The following EMP1 variants were observed in gnomAD, a reference collection of about 807,000 sequenced individuals.
The protein encoded by EMP1 is tumor-associated membrane protein.
A neutral mutation model predicts 15.7 loss-of-function variants in EMP1; 5 were observed. That is an observed-to-expected ratio of 0.32 (90% confidence interval 0.17 to 0.67). The LOEUF is 0.67. EMP1 is among the 30% of genes least tolerant of loss of function. The pLI is 0.74. For synonymous variants in EMP1, 78 were observed against 76.7 expected, an observed-to-expected ratio of 1.02 and a Z score of -0.09; for missense variants, 166 against 194.2, an observed-to-expected ratio of 0.85 and a Z score of 0.86.
intron 2 of EMP1, 39 bp from the exon 3 acceptor site, chr12:13,213,440 C>G: frequency 6.4e-7 from 1 of 1,571,012 alleles, no homozygotes. Context: ...AATCAGAGGG[C>G]CAGCTTTCAA....
chr12:13,212,342 A>C (rs1864172598), intron 2 of EMP1, among the ~76,000 whole-genome samples: 1 of 152,198 alleles, frequency 6.6e-6, no homozygotes, highest in Admixed American at 6.5e-5. Context: ...CTTGGACCTA[A>C]AAACCAAGGC....
At chr12:13,205,294 T>C (rs536207061) in intron 1 of EMP1, among the ~76,000 whole-genome samples, 1 of 152,244 alleles carries the variant, frequency 6.6e-6, no homozygotes, top group South Asian at 2.1e-4. Context: ...CATTCACTTA[T>C]TTCCTCTTGA....
At chr12:13,201,409 A>G (rs951452908) in intron 1 of EMP1, among the ~76,000 whole-genome samples, 2 of 152,090 alleles carry the variant, frequency 1.3e-5, no homozygotes, top group Non-Finnish European at 2.9e-5. Context: ...CCCTGTCTCA[A>G]AAAAAACAAA....
rs1407243905 is a variant in EMP1, at chr12:13,214,554, G to T, written c.337G>T (p.Val113Leu). Residue 113 changes from valine (V) to leucine (L), a missense_variant, in exon 5 of 5, where the codon GTG becomes TTG. Coordinates refer to ENST00000256951, the MANE Select transcript of EMP1 (RefSeq NM_001423.3). ...TGCAGGGCTGTGCATTCTTGTGGGG[G>T]TGTCCATCTACACTAGTCATTATGC... ...LVCWLCILVG[V>L]SIYTSHYANR... is the part of the protein sequence containing the mutation. 3 of 1,612,822 alleles carry T rather than the reference G, an allele frequency of 1.9e-6. No individual in the cohort carries two copies. Among genetic ancestry groups the T allele is most frequent in the Non-Finnish European group, 2.5e-6 (3 of 1,179,604 alleles).
At chr12:13,209,187 A>G (rs988906931) in intron 1 of EMP1, 3 of 152,262 alleles carry the variant, frequency 2.0e-5, no homozygotes, top group Non-Finnish European at 4.4e-5. Context: ...AGGATTAAAC[A>G]TAAGTATTCG....
At chr12:13,197,602 C>G (rs750792139) in intron 1 of EMP1, among the ~76,000 whole-genome samples, 7 of 151,894 alleles carry the variant, frequency 4.6e-5, no homozygotes, top group Non-Finnish European at 8.8e-5. Context: ...ATGGTGAAAC[C>G]CTGTCTCTAC....
chr12:13,197,421 GTTTAAA>G (rs1267758381), intron 1 of EMP1, among the ~76,000 whole-genome samples: 1 of 152,126 alleles, frequency 6.6e-6, no homozygotes, highest in Non-Finnish European at 1.5e-5. Flanking sequence ...ATTCACTTCT[GTTTAAA>G]TTTAAGTATT....
intron 2 of EMP1, among the ~76,000 whole-genome samples, chr12:13,212,495 A>G (rs1232255661): frequency 6.6e-6 from 1 of 152,242 alleles, no homozygotes; most frequent in African/African-American, 2.4e-5. Context: ...CTAATTAAGA[A>G]TAACTGTGAT....
In EMP1 at chr12:13,214,774, G is replaced by C; in HGVS notation, c.*83G>C. 1 of 333,032 alleles carries C rather than the reference G, an allele frequency of 3.0e-6. No individual in the cohort carries two copies. The highest frequency in any genetic ancestry group is 4.3e-6 in the Non-Finnish European group (1 of 235,164). 20.6% of individuals were successfully genotyped at this position (333,032 alleles called of 1,614,324 possible). On this transcript the variant is annotated 3_prime_UTR_variant, in exon 5 of 5. Transcript: ENST00000256951. ...GAGGGAAGTGGAGGTTGCTGTACAG[G>C]AAAAACCGAGATAGGGGAGGGGGGA...
chr12:13,213,655 T>G (rs200946352), intron 3 of EMP1, 26 bp from the exon 4 acceptor site: 13 of 1,613,936 alleles, frequency 8.1e-6, no homozygotes, highest in Non-Finnish European at 1.1e-5. Context: ...CCTCATGCCC[T>G]TGTTCTCCTC....
intron 1 of EMP1, among the ~76,000 whole-genome samples, chr12:13,209,996 G>A (rs1310772585): frequency 1.3e-5 from 2 of 152,158 alleles, no homozygotes; most frequent in East Asian, 1.9e-4. Flanking sequence ...TGTTGGAGAC[G>A]GTCAGGGAGA....
rs4763946 is a variant in EMP1 at position 13,211,263 on chromosome 12, A to G, written c.-42-206A>G. On this transcript the variant is annotated intron_variant, in intron 1 of 4. Coordinates refer to ENST00000256951, the MANE Select transcript of EMP1 (RefSeq NM_001423.3). This position sits in a 1 kb window ranked among gnomAD's most constrained non-coding sequence, Gnocchi z 4.7. ...CAAGAAGAAACCAAATTCTGTTTCCATGTAGGTATGTATAACTGGATGAAT... is the reference window on the plus strand; with the variant it reads ...CAAGAAGAAACCAAATTCTGTTTCCGTGTAGGTATGTATAACTGGATGAAT... Among the ~76,000 whole-genome samples, 60,402 of 152,082 alleles carry G rather than the reference A, an allele frequency of 0.4. 13,119 individuals are homozygous for G. Among genetic ancestry groups the G allele is most frequent in the East Asian group, 0.61 (3,161 of 5,172 alleles).
At chr12:13,207,983 C>T (rs978116579) in intron 1 of EMP1, among the ~76,000 whole-genome samples, 1 of 152,202 alleles carries the variant, frequency 6.6e-6, no homozygotes, top group Admixed American at 6.5e-5. Flanking sequence ...TTCAGAATTG[C>T]AATGCTGTGA....
intron 1 of EMP1, among the ~76,000 whole-genome samples, chr12:13,202,409 A>G (rs1464029089): frequency 1.3e-5 from 2 of 152,174 alleles, no homozygotes; most frequent in African/African-American, 2.4e-5. Context: ...CTTGATCCTT[A>G]GACTTCTCAT....
rs1300568718 is a variant in EMP1, at chr12:13,215,035, G to A, written c.*344G>A. On this transcript the variant is annotated 3_prime_UTR_variant, in exon 5 of 5. Transcript: ENST00000256951. The stretch of plus-strand genomic sequence containing the variant: ...GCCCCACTTCTGGGTCATGCACTGA[G>A]GTCCACAGACCTACTGCACTGAGTT... The A allele has an allele frequency of 1.7e-5, 5 of 286,390 alleles. No individual in the cohort carries two copies. Among genetic ancestry groups the A allele is most frequent in the Non-Finnish European group, 3.4e-5 (5 of 146,078 alleles). 17.7% of individuals were successfully genotyped at this position (286,390 alleles called of 1,614,324 possible). A position where few individuals can be genotyped will look rare whatever the true frequency, so the allele number is the denominator to read the frequency against.
chr12:13,199,943 TTTCTTCTTC>T (rs760303373), intron 1 of EMP1, among the ~76,000 whole-genome samples: 1 of 149,428 alleles, frequency 6.7e-6, no homozygotes, highest in Non-Finnish European at 1.5e-5. Context: ...TGCATTATCT[TTTCTTCTTC>T]TTCTTCTTCT....
chr12:13,206,982 A>G (rs1470426624), intron 1 of EMP1, among the ~76,000 whole-genome samples: 1 of 151,916 alleles, frequency 6.6e-6, no homozygotes, highest in African/African-American at 2.4e-5. Flanking sequence ...GAGGGAGGCA[A>G]GAAGCCAATA....
At chr12:13,198,229 C>A (rs1035477730) in intron 1 of EMP1, among the ~76,000 whole-genome samples, 4 of 152,216 alleles carry the variant, frequency 2.6e-5, no homozygotes, top group African/African-American at 9.7e-5. Flanking sequence ...ATCATGAAAT[C>A]TGGAGGAATG....
At position 13,215,256 on chromosome 12, in the gene EMP1, A is replaced by G. The variant is rs78423139; in HGVS notation, c.*565A>G. On this transcript the variant is annotated 3_prime_UTR_variant, in exon 5 of 5. Transcript: ENST00000256951. ...TTAGCTCTGTGGAATTCAGTGACAA[A>G]ATGGGAGGAGGAAAGAGAGTTTGTA... 330 of 152,964 alleles carry G rather than the reference A, an allele frequency of 2.2e-3. 3 individuals are homozygous for G. Among genetic ancestry groups the G allele is most frequent in the African/African-American group, 7.5e-3 (313 of 41,568 alleles). The allele number at this position is 152,964 out of a possible 1,614,324, so 9.5% of individuals were successfully genotyped here.
Sources: allele counts gnomAD v4.1 joint callset (sites outside exome capture counted in the v4.1 genomes callset), GRCh38; gene constraint gnomAD v4.1.1; non-coding constraint Gnocchi (gnomAD v3.1); transcripts MANE v1.5; gene names NCBI Gene and HGNC (gene_info 2026-07-23, HGNC 2026-07-21).